AMMECR1: variants seen among roughly 807,000 people sequenced by gnomAD.
AMMECR1 encodes the protein AMMECR nuclear protein 1, also known as nuclear protein AMMECR1.
Under a neutral mutation model 22.5 loss-of-function variants are expected in AMMECR1, and 3 were observed. The observed-to-expected ratio is 0.13, with a 90% CI of 0.06 to 0.35. The LOEUF is 0.35. AMMECR1 is among the 10% of genes least tolerant of loss of function. The probability of loss-of-function intolerance (pLI) is 1.00; values close to 1 mark genes in which losing one functional copy is unlikely to be tolerated. For missense variants in AMMECR1, 235 were observed against 278.7 expected, an observed-to-expected ratio of 0.84 and a Z score of 1.12; for synonymous variants, 130 against 116.7, an observed-to-expected ratio of 1.11 and a Z score of -0.74.
At chrX:110,395,229 C>T (rs1200726112) in intron 2 of AMMECR1, among the ~76,000 whole-genome samples, 1 of 112,172 alleles carries the variant, frequency 8.9e-6, no homozygotes, top group Non-Finnish European at 1.9e-5. Flanking sequence ...CTTCTGCCAT[C>T]CCTAACCTAG....
chrX:110,338,049 G>T (rs1026771914), intron 2 of AMMECR1, among the ~76,000 whole-genome samples: 1 of 111,812 alleles, frequency 8.9e-6, no homozygotes, highest in African/African-American at 3.3e-5. Flanking sequence ...AACAGTGATT[G>T]CCAGGGACTG....
At chrX:110,292,449 T>C (rs978862259) in intron 1 of AMMECR1, among the ~76,000 whole-genome samples, 76 of 112,275 alleles carry the variant, frequency 6.8e-4, no homozygotes, top group African/African-American at 2.3e-3. Flanking sequence ...TGCTAAAACC[T>C]GGAAACAACC....
chrX:110,374,452 A>G (rs1602942610), intron 2 of AMMECR1, among the ~76,000 whole-genome samples: 1 of 111,936 alleles, frequency 8.9e-6, no homozygotes, highest in South Asian at 3.7e-4. Context: ...TCCCCCAGCT[A>G]TCTATTTATT....
intron 2 of AMMECR1, among the ~76,000 whole-genome samples, chrX:110,253,739 A>T (rs996101103): frequency 9.0e-6 from 1 of 111,621 alleles, no homozygotes; most frequent in Non-Finnish European, 1.9e-5. Context: ...CCTTTTGGCC[A>T]TACCATTTTC....
At chrX:110,363,173 T>C (rs1000679670) in intron 2 of AMMECR1, among the ~76,000 whole-genome samples, 3 of 111,942 alleles carry the variant, frequency 2.7e-5, no homozygotes, top group African/African-American at 9.8e-5. Context: ...TGGGGCTATA[T>C]GGGTGGGAAT....
intron 3 of AMMECR1, among the ~76,000 whole-genome samples, chrX:110,209,636 A>T (rs779512617): frequency 3.0e-4 from 33 of 111,725 alleles, no homozygotes; most frequent in African/African-American, 1.0e-3. Context: ...CTAAATGGCT[A>T]GTGGTGATTC....
rs145618537 is a variant in AMMECR1 at position 110,257,647 on chromosome X, C to G, written c.584+6842G>C. 7.5e-3 allele frequency among the ~76,000 whole-genome samples: 834 copies of G among 111,762 alleles called. 6 individuals carry two copies. The highest frequency in any genetic ancestry group is 0.025 in the African/African-American group (773 of 30,847). On this transcript the variant is annotated intron_variant, in intron 2 of 5. Coordinates refer to ENST00000262844, the MANE Select transcript of AMMECR1 (RefSeq NM_015365.3). ...CCAGAAAGTGGTACATACTGTTTTG[C>G]TTTTATAAAAAGTGAACTAGGGATG...
At chrX:110,437,506 C>T (rs1025323837) in intron 1 of AMMECR1, among the ~76,000 whole-genome samples, 1 of 111,746 alleles carries the variant, frequency 8.9e-6, no homozygotes, top group African/African-American at 3.3e-5. Flanking sequence ...GAATTTGCAC[C>T]CAAGTGGTTT....
At chrX:110,249,292 A>G (rs970087390) in intron 2 of AMMECR1, among the ~76,000 whole-genome samples, 1 of 110,821 alleles carries the variant, frequency 9.0e-6, no homozygotes, top group African/African-American at 3.3e-5. Flanking sequence ...ACAAATGTCC[A>G]TAAGAAGCTT....
chrX:110,317,873 C>G lies in AMMECR1; in HGVS notation c.199G>C (p.Gly67Arg), dbSNP rs777214817. 1.7e-6 allele frequency: 2 copies of G among 1,180,970 alleles called. No individual in the cohort carries two copies. The highest frequency in any genetic ancestry group is 3.8e-5 in the South Asian group (2 of 52,415). The change falls in exon 1 of 6, where the codon GGC becomes CGC. Residue 67 changes from glycine (G) to arginine (R), a missense_variant. Physicochemically the swap from Gly to Arg is moderately radical, Grantham distance 125 (BLOSUM62 -2). This residue lies in a region of AMMECR1 where 124 missense variants were observed against 97.0 expected (regional missense o/e 1.28). Transcript: ENST00000262844. ...GGLTGGGSGSGCTLSPPQGCG... is the reference protein window; with the variant it reads ...GGLTGGGSGSRCTLSPPQGCG... ...CCCTGGGGGGGAGAGAGGGTACAGCCGCTGCCGCTACCTCCTCCGGTTAGA... is the reference window on the plus strand; with the variant it reads ...CCCTGGGGGGGAGAGAGGGTACAGCGGCTGCCGCTACCTCCTCCGGTTAGA...
intron 2 of AMMECR1, among the ~76,000 whole-genome samples, chrX:110,408,089 C>CA (rs1442485337): frequency 1.8e-5 from 2 of 112,648 alleles, no homozygotes; most frequent in African/African-American, 6.5e-5. Flanking sequence ...AAGAGAGTGG[C>CA]AACAACAGGT....
chrX:110,236,172 T>C (rs1379995820), intron 2 of AMMECR1, among the ~76,000 whole-genome samples: 2 of 112,086 alleles, frequency 1.8e-5, no homozygotes, highest in Non-Finnish European at 3.8e-5. Context: ...ACTATGAACA[T>C]GAACTATTTC....
chrX:110,427,530 A>G (rs773108345), intron 1 of AMMECR1, among the ~76,000 whole-genome samples: 1 of 112,121 alleles, frequency 8.9e-6, no homozygotes, highest in African/African-American at 3.2e-5. Context: ...ATGGTTCTCA[A>G]TCCTGGCTGC....
intron 1 of AMMECR1, among the ~76,000 whole-genome samples, chrX:110,427,216 ACCATTCTCC>A (rs761868366): frequency 8.9e-6 from 1 of 111,735 alleles, no homozygotes; most frequent in Non-Finnish European, 1.9e-5. Context: ...GTCCTCTGTG[ACCATTCTCC>A]CCAAAGTGGC....
At chrX:110,428,180 C>A (rs2148328513) in intron 1 of AMMECR1, among the ~76,000 whole-genome samples, 1 of 112,156 alleles carries the variant, frequency 8.9e-6, no homozygotes, top group African/African-American at 3.2e-5. Context: ...TGTGCCTTGT[C>A]TGTGGCCTTC....
chrX:110,251,802 A>T (rs2067687406), intron 2 of AMMECR1, among the ~76,000 whole-genome samples: 1 of 112,094 alleles, frequency 8.9e-6, no homozygotes, highest in Non-Finnish European at 1.9e-5. Context: ...AATTACATAA[A>T]CAGAAATGTG....
intron 2 of AMMECR1, among the ~76,000 whole-genome samples, chrX:110,423,236 G>A (rs756904963): frequency 9.0e-6 from 1 of 110,726 alleles, no homozygotes; most frequent in Non-Finnish European, 1.9e-5. Flanking sequence ...TCTGAGACAG[G>A]AGAATTGCTT....
chrX:110,352,244 A>G (rs758192710), intron 2 of AMMECR1, among the ~76,000 whole-genome samples: 2 of 112,114 alleles, frequency 1.8e-5, no homozygotes, highest in African/African-American at 3.2e-5. Context: ...ATGAAAATAC[A>G]TGTTCACACA....
Position 110,317,740 on chromosome X carries a change from G to A in AMMECR1, c.332C>T (p.Ser111Leu), listed in dbSNP as rs774068575. 1.4e-5 allele frequency: 17 copies of A among 1,194,267 alleles called. No homozygotes were observed. The East Asian group carries it at 3.9e-4, about 28-fold the overall frequency. Residue 111 changes from serine to leucine, a missense_variant, in exon 1 of 6, where the codon TCG becomes TTG. By Grantham distance (145) the Ser-to-Leu change is moderately radical. Coordinates refer to ENST00000262844, the MANE Select transcript of AMMECR1 (RefSeq NM_015365.3). ...CGGCGATGAGGACGAGGCGGCGGAC[G>A]ATGAGGAGGGTGAGGAAGAGGTGGC... ...AAATSSSPSS[S>L]SAASSSSPGS...
Sources: allele counts gnomAD v4.1 joint callset (sites outside exome capture counted in the v4.1 genomes callset), GRCh38; gene constraint gnomAD v4.1.1; regional missense constraint gnomAD v4.1.1; transcripts MANE v1.5; gene names NCBI Gene and HGNC (gene_info 2026-07-23, HGNC 2026-07-21).